Variants in NKAIN2 observed in about 807,000 individuals in gnomAD.
NKAIN2 encodes sodium/potassium-transporting ATPase subunit beta-1-interacting protein 2.
NKAIN2 carries 14 observed loss-of-function variants against 32.6 expected under a neutral mutation model. That is an observed-to-expected ratio of 0.43 (90% CI 0.28 to 0.67). NKAIN2 has a LOEUF of 0.67. Among genes scored for constraint, NKAIN2 ranks in the 30% least tolerant of loss-of-function variants. The pLI is 0.17. For missense variants in NKAIN2, 198 were observed against 258.3 expected, an observed-to-expected ratio of 0.77 and a Z score of 1.60; for synonymous variants, 80 against 87.2, an observed-to-expected ratio of 0.92 and a Z score of 0.46.
chr6:124,077,533 T>A (rs879260577), intron 1 of NKAIN2, among the ~76,000 whole-genome samples: 1 of 152,202 alleles, frequency 6.6e-6, no homozygotes, highest in Non-Finnish European at 1.5e-5. Flanking sequence ...TCCCTGGGTT[T>A]AAAAAATTTT....
intron 1 of NKAIN2, among the ~76,000 whole-genome samples, chr6:123,977,536 T>G (rs1313691289): frequency 6.6e-6 from 1 of 152,158 alleles, no homozygotes; most frequent in Admixed American, 6.5e-5. Flanking sequence ...GGGCTGTAAC[T>G]CAGTAGTAGA....
chr6:124,569,564 G>A (rs571852331), intron 3 of NKAIN2, among the ~76,000 whole-genome samples: 6 of 152,214 alleles, frequency 3.9e-5, no homozygotes, highest in African/African-American at 1.4e-4. Flanking sequence ...TCCCGTGACC[G>A]TGAATAAGGC....
chr6:123,859,124 T>A (rs1430342766), intron 1 of NKAIN2, among the ~76,000 whole-genome samples: 1 of 152,202 alleles, frequency 6.6e-6, no homozygotes, highest in East Asian at 1.9e-4. Context: ...AATTAATTAA[T>A]GACTACACAA....
intron 1 of NKAIN2, among the ~76,000 whole-genome samples, chr6:123,974,921 C>T (rs78116254): frequency 6.6e-6 from 1 of 152,122 alleles, no homozygotes. Flanking sequence ...GTATTTCCAA[C>T]GCTTACAATA....
intron 1 of NKAIN2, among the ~76,000 whole-genome samples, chr6:124,228,336 A>G (rs556778598): frequency 6.6e-6 from 1 of 152,188 alleles, no homozygotes; most frequent in Admixed American, 6.6e-5. Flanking sequence ...ACAAGAAGTC[A>G]GCAGTTTGTA....
At chr6:123,804,373 A>G in intron 1 of NKAIN2, 119 bp downstream of exon 1, 2 of 879,402 alleles carry the variant, frequency 2.3e-6, no homozygotes, top group South Asian at 1.4e-5. Flanking sequence ...AGAAGGTGAC[A>G]GATATATTGC....
intron 3 of NKAIN2, among the ~76,000 whole-genome samples, chr6:124,563,688 C>G (rs1780790250): frequency 6.6e-6 from 1 of 152,148 alleles, no homozygotes; most frequent in Non-Finnish European, 1.5e-5. Context: ...GATGGAGTCT[C>G]ACTCTGTCAC....
intron 3 of NKAIN2, among the ~76,000 whole-genome samples, chr6:124,442,342 G>A (rs1169691270): frequency 7.1e-6 from 1 of 140,306 alleles, no homozygotes; most frequent in African/African-American, 2.7e-5. Flanking sequence ...CCCTTCAGCA[G>A]AGCTGTAAAG....
chr6:124,111,297 A>G (rs564281197), intron 1 of NKAIN2, among the ~76,000 whole-genome samples: 58 of 152,114 alleles, frequency 3.8e-4, no homozygotes, highest in African/African-American at 1.4e-3. Context: ...ATTGAAAATG[A>G]GGTGTGAAGT....
At chr6:124,041,702 T>C (rs1199126972) in intron 1 of NKAIN2, among the ~76,000 whole-genome samples, 2 of 152,020 alleles carry the variant, frequency 1.3e-5, no homozygotes, top group East Asian at 1.9e-4. Flanking sequence ...CTTTTAGATA[T>C]GTGGATAGAG....
intron 3 of NKAIN2, among the ~76,000 whole-genome samples, chr6:124,439,628 C>T (rs771851985): frequency 1.1e-4 from 16 of 148,904 alleles, no homozygotes; most frequent in Admixed American, 1.3e-4. Context: ...TATTTGTTTC[C>T]GTTTTTTTTT....
intron 1 of NKAIN2, among the ~76,000 whole-genome samples, chr6:124,061,235 T>G (rs957488747): frequency 2.0e-5 from 3 of 152,164 alleles, no homozygotes; most frequent in African/African-American, 7.2e-5. Flanking sequence ...CACCACCATA[T>G]ATGTGCTGGA....
chr6:124,046,734 G>A (rs1198946246), intron 1 of NKAIN2, among the ~76,000 whole-genome samples: 2 of 151,958 alleles, frequency 1.3e-5, no homozygotes, highest in South Asian at 2.1e-4. Flanking sequence ...CATCTGATGA[G>A]TGGGCTCTAC....
intron 4 of NKAIN2, among the ~76,000 whole-genome samples, chr6:124,729,047 G>A (rs2114656713): frequency 6.6e-6 from 1 of 151,764 alleles, no homozygotes; most frequent in East Asian, 2.0e-4. Flanking sequence ...AACAGGATCT[G>A]AAATTGTGGC....
At chr6:124,249,684 C>A (rs1271832438) in intron 1 of NKAIN2, among the ~76,000 whole-genome samples, 1 of 151,844 alleles carries the variant, frequency 6.6e-6, no homozygotes, top group South Asian at 2.1e-4. Context: ...AAAGTGGGAC[C>A]CATGGGAGTT....
At chr6:123,838,599 G>T (rs1562210673) in intron 1 of NKAIN2, among the ~76,000 whole-genome samples, 1 of 152,078 alleles carries the variant, frequency 6.6e-6, no homozygotes. Flanking sequence ...CTAATATATT[G>T]ATTTTGTTTC....
At chr6:124,670,645 C>CTGTGTGTGTG (rs57300688) in intron 4 of NKAIN2, among the ~76,000 whole-genome samples, 35,198 of 123,398 alleles carry the variant, frequency 0.29, 4,294 homozygotes, top group East Asian at 0.36. Flanking sequence ...TCTTTGCTTT[C>CTGTGTGTGTG]TGTGTGTGTG....
chr6:124,741,347 G>T (rs550721081), intron 4 of NKAIN2, among the ~76,000 whole-genome samples: 2 of 151,784 alleles, frequency 1.3e-5, no homozygotes, highest in Non-Finnish European at 2.9e-5. Flanking sequence ...AACATTAAAA[G>T]AAAATGATTC....
intron 4 of NKAIN2, among the ~76,000 whole-genome samples, chr6:124,694,986 T>G (rs1373274230): frequency 6.6e-6 from 1 of 152,162 alleles, no homozygotes; most frequent in Non-Finnish European, 1.5e-5. Flanking sequence ...TTTTTCAAGC[T>G]CTAGCAGTAC....
Sources: gnomAD v4.1 joint callset for allele counts (sites outside exome capture counted in the v4.1 genomes callset) on GRCh38, gnomAD v4.1.1 for gene constraint, MANE v1.5 for transcripts, NCBI Gene and HGNC (gene_info 2026-07-23, HGNC 2026-07-21) for gene names.